The following CDH12 variants were observed in gnomAD, a reference collection of about 807,000 sequenced individuals.
CDH12 encodes the protein cadherin-12.
In CDH12, 41 loss-of-function variants were observed where a neutral mutation model predicts 74.1. The observed-to-expected ratio is 0.55, with a 90% confidence interval of 0.43 to 0.72. The LOEUF (loss-of-function observed/expected upper bound fraction) is 0.72, where lower values mean the gene tolerates loss of function less well. Ranked by LOEUF, CDH12 falls within the 30% of genes least tolerant of loss-of-function variation. The pLI is 0.00. For synonymous variants in CDH12, 399 were observed against 355.0 expected, an observed-to-expected ratio of 1.12 and a Z score of -1.39; for missense variants, 945 against 977.2, an observed-to-expected ratio of 0.97 and a Z score of 0.44.
intron 1 of CDH12, among the ~76,000 whole-genome samples, chr5:22,726,561 T>C (rs1232767576): frequency 1.3e-5 from 2 of 151,868 alleles, no homozygotes; most frequent in Admixed American, 6.6e-5. Flanking sequence ...GGCTGTGTCA[T>C]AATGTATTTC....
chr5:22,013,825 G>A (rs562642705), intron 5 of CDH12, among the ~76,000 whole-genome samples: 3 of 152,182 alleles, frequency 2.0e-5, no homozygotes, highest in African/African-American at 4.8e-5. Flanking sequence ...TCTTTTTAAA[G>A]TGTCTCTTAA....
At position 22,292,686 on chromosome 5, in the gene CDH12, A is replaced by T. The variant is rs887626216; in HGVS notation, c.-332-80043T>A. Among the ~76,000 whole-genome samples, 28 of 152,056 alleles carry T rather than the reference A, an allele frequency of 1.8e-4. No homozygotes were observed. The East Asian group carries it at 5.2e-3, about 28-fold the overall frequency. ...AGGTAAATAAAACTTGCTTAACACCATTAATCATCAGGAGACATCATACCT... is the reference window on the plus strand; with the variant it reads ...AGGTAAATAAAACTTGCTTAACACCTTTAATCATCAGGAGACATCATACCT... On this transcript the variant is annotated intron_variant, in intron 3 of 14. Coordinates refer to ENST00000382254, the MANE Select transcript of CDH12 (RefSeq NM_004061.5).
intron 11 of CDH12, among the ~76,000 whole-genome samples, chr5:21,776,872 T>C (rs1745618452): frequency 6.6e-6 from 1 of 152,218 alleles, no homozygotes; most frequent in African/African-American, 2.4e-5. Flanking sequence ...AAACACATAG[T>C]TTGCATATCA....
intron 6 of CDH12, among the ~76,000 whole-genome samples, chr5:21,970,586 C>T (rs1001234696): frequency 6.6e-6 from 1 of 151,766 alleles, no homozygotes; most frequent in African/African-American, 2.4e-5. Context: ...ATGTCCTTAA[C>T]ACCAGCACTT....
chr5:22,520,436 C>T (rs1021810420), intron 1 of CDH12, among the ~76,000 whole-genome samples: 1 of 151,898 alleles, frequency 6.6e-6, no homozygotes, highest in African/African-American at 2.4e-5. Flanking sequence ...ATAAGGAATC[C>T]AGCAAATAAG....
intron 1 of CDH12, among the ~76,000 whole-genome samples, chr5:22,729,733 G>T (rs1179881472): frequency 6.6e-6 from 1 of 151,870 alleles, no homozygotes; most frequent in Non-Finnish European, 1.5e-5. Flanking sequence ...TTAAAAGTTT[G>T]TCTTGTAGTT....
chr5:22,835,882 C>T (rs1736796188), intron 1 of CDH12, among the ~76,000 whole-genome samples: 2 of 152,174 alleles, frequency 1.3e-5, no homozygotes, highest in Admixed American at 1.3e-4. Context: ...CAATTAACTT[C>T]TCCTTCAGGG....
intron 6 of CDH12, among the ~76,000 whole-genome samples, chr5:21,904,094 A>G (rs1753523912): frequency 6.6e-6 from 1 of 152,134 alleles, no homozygotes; most frequent in Non-Finnish European, 1.5e-5. Context: ...CTATTAGGCA[A>G]TTATAACTAC....
intron 9 of CDH12, 42 bp from the exon 10 acceptor site, chr5:21,802,462 A>C (rs752035225): frequency 2.7e-6 from 4 of 1,507,110 alleles, no homozygotes; most frequent in Non-Finnish European, 3.7e-6. Flanking sequence ...AAATTTATAT[A>C]GAATGTGGCA....
chr5:22,563,665 G>A (rs760637135), intron 1 of CDH12, among the ~76,000 whole-genome samples: 2 of 151,520 alleles, frequency 1.3e-5, no homozygotes, highest in Non-Finnish European at 1.5e-5. Context: ...TTTAAATATT[G>A]TATTAATCTG....
chr5:22,506,120 A>G (rs994876010), intron 1 of CDH12, among the ~76,000 whole-genome samples: 1 of 152,068 alleles, frequency 6.6e-6, no homozygotes, highest in Non-Finnish European at 1.5e-5. Flanking sequence ...ACTGTTTGCC[A>G]CCGTTTCGTA....
At chr5:21,761,233 A>G (rs1744700088) in intron 12 of CDH12, among the ~76,000 whole-genome samples, 1 of 152,278 alleles carries the variant, frequency 6.6e-6, no homozygotes, top group African/African-American at 2.4e-5. Context: ...AATAAGCACT[A>G]TCATTCCTGT....
intron 9 of CDH12, among the ~76,000 whole-genome samples, chr5:21,806,714 T>A (rs1747446573): frequency 6.6e-6 from 1 of 152,170 alleles, no homozygotes. Flanking sequence ...AGCCTATATC[T>A]CCCACACTGA....
intron 4 of CDH12, among the ~76,000 whole-genome samples, chr5:22,157,048 GA>G (rs1406510450): frequency 6.6e-6 from 1 of 151,880 alleles, no homozygotes; most frequent in Non-Finnish European, 1.5e-5. Context: ...AGAAAGACTA[GA>G]AAGCATCTAC....
chr5:22,339,551 C>A (rs1003887699), intron 3 of CDH12, among the ~76,000 whole-genome samples: 15 of 152,108 alleles, frequency 9.9e-5, no homozygotes, highest in Non-Finnish European at 2.2e-4. Context: ...GCTAATGATT[C>A]ATGAGAGAGA....
chr5:22,689,112 T>A (rs1029316189), intron 1 of CDH12, among the ~76,000 whole-genome samples: 2 of 152,136 alleles, frequency 1.3e-5, no homozygotes, highest in Non-Finnish European at 2.9e-5. Flanking sequence ...TCATGGACAA[T>A]CTGTAGTATT....
At chr5:22,416,121 C>T (rs1268259) in intron 2 of CDH12, among the ~76,000 whole-genome samples, 126,700 of 134,966 alleles carry the variant, frequency 0.94, 59,527 homozygotes, top group African/African-American at 0.98. Flanking sequence ...GTGGCCCAGG[C>T]GGGAGTGCAG....
At chr5:22,582,970 A>C (rs1740180805) in intron 1 of CDH12, among the ~76,000 whole-genome samples, 1 of 152,118 alleles carries the variant, frequency 6.6e-6, no homozygotes, top group Admixed American at 6.6e-5. Context: ...CTGCTGCTAA[A>C]GGGTCATCTA....
At chr5:22,656,984 G>A (rs1345497032) in intron 1 of CDH12, among the ~76,000 whole-genome samples, 2 of 152,012 alleles carry the variant, frequency 1.3e-5, no homozygotes, top group African/African-American at 2.4e-5. Context: ...TCATAGGCAC[G>A]AGATTCTTCC....
Sources: gnomAD v4.1 joint callset for allele counts (sites outside exome capture counted in the v4.1 genomes callset) on GRCh38, gnomAD v4.1.1 for gene constraint, MANE v1.5 for transcripts, NCBI Gene and HGNC (gene_info 2026-07-23, HGNC 2026-07-21) for gene names.